ZNF24: variants seen among roughly 807,000 people sequenced by gnomAD.
The protein encoded by ZNF24 is zinc finger protein 24.
Under a neutral mutation model 40.9 loss-of-function variants are expected in ZNF24, and 11 were observed. The ratio of observed to expected loss-of-function variants is 0.27; its 90% confidence interval spans 0.17 to 0.45. The LOEUF is 0.45. Among genes scored for constraint, ZNF24 ranks in the 20% least tolerant of loss-of-function variants. The pLI, the probability that ZNF24 is intolerant of heterozygous loss-of-function variation, is 1.00. For missense variants in ZNF24, 293 were observed against 437.7 expected (o/e 0.67, Z 2.95); for synonymous variants, 139 against 154.7 (o/e 0.90, Z 0.75).
In ZNF24 at chr18:35,335,207, TAAA is replaced by T. The variant is rs762923626; in HGVS notation, c.*2022_*2024del. 6.6e-6 allele frequency: 1 copy of T among 152,144 alleles called. No homozygotes were observed. The highest frequency in any genetic ancestry group is 1.5e-5 in the Non-Finnish European group (1 of 68,018). 9.4% of individuals were successfully genotyped at this position (152,144 alleles called of 1,614,324 possible). A position where few individuals can be genotyped will look rare whatever the true frequency, so the allele number is the denominator to read the frequency against. On this transcript the variant is annotated 3_prime_UTR_variant, in exon 4 of 4. Coordinates refer to ENST00000261332, the MANE Select transcript of ZNF24 (RefSeq NM_006965.4). ...TGGAAAGAAGCCAGTTATAAATAAA[TAAA>T]TCACATCATTTATCTTAGAGCAGAG...
chr18:35,340,192 C>A lies in ZNF24; in HGVS notation c.420+39G>T. 1 of 1,596,776 alleles carries A rather than the reference C, an allele frequency of 6.3e-7. No homozygotes were observed. Among genetic ancestry groups the A allele is most frequent in the Non-Finnish European group, 8.6e-7 (1 of 1,168,082 alleles). ...CAGCAGCTTTGCCTACTACCTATGC[C>A]AGTGCTTCTGACACAGGAAATGACA... On this transcript the variant is annotated intron_variant, in intron 2 of 3. Coordinates refer to ENST00000261332, the MANE Select transcript of ZNF24 (RefSeq NM_006965.4). This position sits in a 1 kb window ranked among gnomAD's most constrained non-coding sequence, Gnocchi z 4.6.
rs2044901749 is a variant in ZNF24, at chr18:35,335,813, C to G, written c.*1419G>C. 1.3e-5 allele frequency: 2 copies of G among 152,138 alleles called. No individual in the cohort carries two copies. Among genetic ancestry groups the G allele is most frequent in the South Asian group, 4.1e-4 (2 of 4,836 alleles). 9.4% of individuals were successfully genotyped at this position (152,138 alleles called of 1,614,324 possible). ...ATAGGTTAATAAACTAGTTAATTGT[C>G]TAGTTGTTTATTTTTTAAATAGAAC... On this transcript the variant is annotated 3_prime_UTR_variant, in exon 4 of 4. Transcript: ENST00000261332.
At chr18:35,341,007 T>C (rs140548391) in intron 1 of ZNF24, among the ~76,000 whole-genome samples, 169 of 152,284 alleles carry the variant, frequency 1.1e-3, no homozygotes, top group African/African-American at 3.9e-3. Context: ...ATCAAATGAA[T>C]ACCTAATGAT....
In ZNF24 at chr18:35,342,056, C is replaced by T. The variant is rs537017059; in HGVS notation, c.-83-1323G>A. ...ACTAAAAATACAAAAATTAGCTGGG[C>T]GTGGTGGATTGCGCCTGTAGTCCCA... On this transcript the variant is annotated intron_variant, in intron 1 of 3. Coordinates refer to ENST00000261332, the MANE Select transcript of ZNF24 (RefSeq NM_006965.4). 3.4e-4 allele frequency among the ~76,000 whole-genome samples: 52 copies of T among 152,098 alleles called. 1 individual carries two copies. Among genetic ancestry groups the T allele is most frequent in the Admixed American group, 2.0e-3 (31 of 15,280 alleles).
Position 35,339,822 on chromosome 18 carries a change from T to C in ZNF24, c.568+7A>G, listed in dbSNP as rs1341264175. On this transcript the variant is annotated splice_region_variant and intron_variant, in intron 3 of 3. Transcript: ENST00000261332. ...CCCTCTAGCCCACACAGAGTTCTGG[T>C]CCTCACCACAGTGCCTTAGGGAATG... 1.3e-6 allele frequency: 2 copies of C among 1,594,610 alleles called. No homozygotes were observed. The highest frequency in any genetic ancestry group is 1.7e-6 in the Non-Finnish European group (2 of 1,165,730).
In ZNF24 at chr18:35,337,044, A is replaced by T; in HGVS notation, c.*188T>A. The T allele has an allele frequency of 2.1e-6, 1 of 471,364 alleles. No individual in the cohort carries two copies. Among genetic ancestry groups the T allele is most frequent in the Non-Finnish European group, 3.5e-6 (1 of 285,916 alleles). The allele number at this position is 471,364 out of a possible 1,614,324, so 29.2% of individuals were successfully genotyped here. A position where few individuals can be genotyped will look rare whatever the true frequency, so the allele number is the denominator to read the frequency against. On this transcript the variant is annotated 3_prime_UTR_variant, in exon 4 of 4. Transcript: ENST00000261332. ...AATTAAGTTTAAAATTTCAGTTTCT[A>T]GGCAGGTATGACACCATTTCTTTCA...
At position 35,332,934 on chromosome 18, in the gene ZNF24, A is replaced by G. The variant is rs191838608; in HGVS notation, c.*4298T>C. ...TTTTTTTATAATCAGGGAAATGCAA[A>G]ATAAGAAAAGGTTCTTTTTCGCCCA... is the stretch of plus-strand genomic sequence containing the variant. On this transcript the variant is annotated 3_prime_UTR_variant, in exon 4 of 4. Transcript: ENST00000261332. 6.6e-6 allele frequency: 1 copy of G among 152,440 alleles called. No homozygotes were observed. The highest frequency in any genetic ancestry group is 1.5e-5 in the Non-Finnish European group (1 of 68,028). 9.4% of individuals were successfully genotyped at this position (152,440 alleles called of 1,614,324 possible).
chr18:35,334,128 A>C lies in ZNF24; in HGVS notation c.*3104T>G, dbSNP rs1362525760. On this transcript the variant is annotated 3_prime_UTR_variant, in exon 4 of 4. Coordinates refer to ENST00000261332, the MANE Select transcript of ZNF24 (RefSeq NM_006965.4). ...TAAATCTGGAAGAACAAACGAAATT[A>C]TCATGACTTCTCGGTAACACTGTGA... The C allele has an allele frequency of 3.3e-5, 5 of 152,188 alleles. No homozygotes were observed. Among genetic ancestry groups the C allele is most frequent in the African/African-American group, 1.2e-4 (5 of 41,448 alleles). The allele number at this position is 152,188 out of a possible 1,614,324, so 9.4% of individuals were successfully genotyped here.
At chr18:35,342,517 G>A (rs2044978867) in intron 1 of ZNF24, 1 of 150,698 alleles carries the variant, frequency 6.6e-6, no homozygotes, top group South Asian at 2.1e-4. Context: ...GTCCATTCAT[G>A]GTAAGTGCCC....
At position 35,337,838 on chromosome 18, in the gene ZNF24, T is replaced by G. The variant is rs1204369532; in HGVS notation, c.569-68A>C. On this transcript the variant is annotated intron_variant, in intron 3 of 3. Transcript: ENST00000261332. ...AGGGAAAAGAAACCTAAAAAAAATTTTTTTTTTAATGAACTAAAATAGCTA... is the reference window on the plus strand; with the variant it reads ...AGGGAAAAGAAACCTAAAAAAAATTGTTTTTTTAATGAACTAAAATAGCTA... 4.2e-6 allele frequency: 6 copies of G among 1,420,822 alleles called. No individual in the cohort carries two copies. The African/African-American group carries it at 8.6e-5, about 20-fold the overall frequency. The allele number at this position is 1,420,822 out of a possible 1,614,324, so 88.0% of individuals were successfully genotyped here.
Position 35,335,429 on chromosome 18 carries a change from C to T in ZNF24, c.*1803G>A, listed in dbSNP as rs112286532. On this transcript the variant is annotated 3_prime_UTR_variant, in exon 4 of 4. Transcript: ENST00000261332. ...TTATCAGAAAACCTATAAACAAGCT[C>T]CATTCTGCCTCACTTTTCCACCAGC... 2.9e-3 allele frequency: 436 copies of T among 152,204 alleles called. 4 individuals carry two copies. Among genetic ancestry groups the T allele is most frequent in the African/African-American group, 9.9e-3 (410 of 41,540 alleles). The allele number at this position is 152,204 out of a possible 1,614,324, so 9.4% of individuals were successfully genotyped here. A position where few individuals can be genotyped will look rare whatever the true frequency, so the allele number is the denominator to read the frequency against.
intron 1 of ZNF24, 117 bp downstream of exon 1, chr18:35,344,243 C>T (rs961452944): frequency 6.6e-6 from 1 of 152,442 alleles, no homozygotes. Context: ...GCCTGTTCCC[C>T]GCGCCTCCCG....
At position 35,333,174 on chromosome 18, in the gene ZNF24, A is replaced by G. The variant is rs1311921530; in HGVS notation, c.*4058T>C. 1 of 152,222 alleles carries G rather than the reference A, an allele frequency of 6.6e-6. No individual in the cohort carries two copies. Among genetic ancestry groups the G allele is most frequent in the African/African-American group, 2.4e-5 (1 of 41,454 alleles). The allele number at this position is 152,222 out of a possible 1,614,324, so 9.4% of individuals were successfully genotyped here. On this transcript the variant is annotated 3_prime_UTR_variant, in exon 4 of 4. Coordinates refer to ENST00000261332, the MANE Select transcript of ZNF24 (RefSeq NM_006965.4). ...TCTGAATAGGATGTTTACTTTGGCA[A>G]TGTAATAGCGAGAGGAAAAAAATTA...
chr18:35,344,138 CAG>C (rs1265150432), intron 1 of ZNF24, among the ~76,000 whole-genome samples: 3 of 152,134 alleles, frequency 2.0e-5, no homozygotes, highest in Admixed American at 6.5e-5. Flanking sequence ...TCGGAGGACA[CAG>C]GGGGTTAGAG....
chr18:35,339,918 T>G lies in ZNF24; in HGVS notation c.479A>C (p.Glu160Ala), dbSNP rs190032088. The G allele has an allele frequency of 1.2e-4, 190 of 1,613,582 alleles. No homozygotes were observed. The highest frequency in any genetic ancestry group is 6.5e-4 in the Admixed American group (39 of 59,998). Reference sequence around the variant, plus strand: ...CTCAGAACTTGGTAATCCCTGAGCTTCTTCTTGAGATACCATGTCTTCTAC... The same window carrying G: ...CTCAGAACTTGGTAATCCCTGAGCTGCTTCTTGAGATACCATGTCTTCTAC... ...VLVEDMVSQEEAQGLPSSELD... is the reference protein window; with the variant it reads ...VLVEDMVSQEAAQGLPSSELD... Residue 160 changes from glutamate to alanine, a missense_variant, in exon 3 of 4, where the codon GAA becomes GCA. This residue lies in a region of ZNF24 where 234 missense variants were observed against 299.2 expected (regional missense o/e 0.78). Coordinates refer to ENST00000261332, the MANE Select transcript of ZNF24 (RefSeq NM_006965.4).
rs1229321573 is a variant in ZNF24, at chr18:35,337,754, A to C, written c.585T>G (p.Thr195=). 5.1e-6 allele frequency: 8 copies of C among 1,576,660 alleles called. No homozygotes were observed. The highest frequency in any genetic ancestry group is 6.9e-6 in the Non-Finnish European group (8 of 1,165,126). Residue 195 remains threonine, a synonymous_variant, in exon 4 of 4, where the codon ACT becomes ACG. Coordinates refer to ENST00000261332, the MANE Select transcript of ZNF24 (RefSeq NM_006965.4). ...GCTTTGGAGCTAGTGCTCCATTTTC[A>C]GTCCTACCATCATCATCTGAAATAA... is the stretch of plus-strand genomic sequence containing the variant. ...SLRHCDDDGR[T]ENGALAPKQE...
Position 35,340,204 on chromosome 18 carries a change from C to T in ZNF24, c.420+27G>A. 6.2e-7 allele frequency: 1 copy of T among 1,601,826 alleles called. No individual in the cohort carries two copies. On this transcript the variant is annotated intron_variant, in intron 2 of 3. Transcript: ENST00000261332. The surrounding 1 kb of genome is among the most constrained non-coding windows in gnomAD (Gnocchi z 4.6). ...CTACTACCTATGCCAGTGCTTCTGA[C>T]ACAGGAAATGACACAAGCAGGCTCA...
chr18:35,341,761 G>A (rs368640842), intron 1 of ZNF24, among the ~76,000 whole-genome samples: 1 of 152,152 alleles, frequency 6.6e-6, no homozygotes, highest in Non-Finnish European at 1.5e-5. Context: ...GTTCACACCT[G>A]TAATCCCAGC....
At chr18:35,339,020 G>A in intron 3 of ZNF24, 1 of 1,535,930 alleles carries the variant, frequency 6.5e-7, no homozygotes, top group Non-Finnish European at 8.7e-7. Flanking sequence ...AACCTGCTCA[G>A]ACCTCATTCA....
Sources: allele counts gnomAD v4.1 joint callset (sites outside exome capture counted in the v4.1 genomes callset), GRCh38; gene constraint gnomAD v4.1.1; regional missense constraint gnomAD v4.1.1; non-coding constraint Gnocchi (gnomAD v3.1); transcripts MANE v1.5; gene names NCBI Gene and HGNC (gene_info 2026-07-23, HGNC 2026-07-21).